The following EFCAB13 variants were observed in gnomAD, a reference collection of about 807,000 sequenced individuals.
The protein encoded by EFCAB13 is EF-hand calcium binding domain 13, also known as EF-hand calcium-binding domain-containing protein 13.
A neutral mutation model predicts 110.2 loss-of-function variants in EFCAB13; 91 were observed. The ratio of observed to expected loss-of-function variants is 0.83; its 90% CI spans 0.70 to 0.98. EFCAB13 has a LOEUF of 0.98. Among genes scored for constraint, EFCAB13 ranks in the 50% least tolerant of loss-of-function variants. The pLI is 0.00. For missense variants in EFCAB13, 968 were observed against 1,119.4 expected, an observed-to-expected ratio of 0.86 and a Z score of 1.93; for synonymous variants, 323 against 369.9, an observed-to-expected ratio of 0.87 and a Z score of 1.45.
At chr17:47,343,358 A>G (rs2065396520) in intron 6 of EFCAB13, among the ~76,000 whole-genome samples, 2 of 152,292 alleles carry the variant, frequency 1.3e-5, no homozygotes, top group South Asian at 4.1e-4. Flanking sequence ...ATGTAGAGTT[A>G]TGATTATGAC....
chr17:47,345,135 C>G, intron 8 of EFCAB13, 37 bp downstream of exon 8: 2 of 1,447,580 alleles, frequency 1.4e-6, no homozygotes, highest in Non-Finnish European at 1.9e-6. Flanking sequence ...AATACATTTC[C>G]TGGTTATGTG....
intron 14 of EFCAB13, among the ~76,000 whole-genome samples, chr17:47,386,652 C>G (rs919938268): frequency 5.9e-5 from 9 of 152,070 alleles, no homozygotes; most frequent in Non-Finnish European, 1.2e-4. Context: ...AGCTCTGTCT[C>G]GCTGGGATTC....
chr17:47,357,461 G>A (rs578198188), intron 9 of EFCAB13, among the ~76,000 whole-genome samples: 8 of 152,162 alleles, frequency 5.3e-5, no homozygotes, highest in Admixed American at 4.6e-4. Flanking sequence ...TATACTCCAG[G>A]CTGGAGTGCA....
chr17:47,383,701 TG>T (rs1162996033), intron 14 of EFCAB13, among the ~76,000 whole-genome samples: 1 of 152,172 alleles, frequency 6.6e-6, no homozygotes, highest in Admixed American at 6.6e-5. Context: ...TCCAATTATG[TG>T]GTCAATTTTA....
At chr17:47,367,426 G>A (rs1335384925) in intron 10 of EFCAB13, among the ~76,000 whole-genome samples, 1 of 152,212 alleles carries the variant, frequency 6.6e-6, no homozygotes, top group Non-Finnish European at 1.5e-5. Context: ...CCTTGGCCCT[G>A]GTCCTGGCTT....
At chr17:47,367,960 G>A (rs1050659391) in intron 10 of EFCAB13, among the ~76,000 whole-genome samples, 1 of 152,246 alleles carries the variant, frequency 6.6e-6, no homozygotes, top group East Asian at 1.9e-4. Flanking sequence ...CAAAGGGGAT[G>A]TATGATGTTG....
intron 20 of EFCAB13, among the ~76,000 whole-genome samples, chr17:47,408,998 C>G (rs1257474737): frequency 6.6e-6 from 1 of 152,094 alleles, no homozygotes; most frequent in East Asian, 1.9e-4. Context: ...AACAAAAATA[C>G]AAATTAAGGC....
intron 10 of EFCAB13, among the ~76,000 whole-genome samples, chr17:47,362,747 G>GCTGTCTGT (rs1018853219): frequency 6.6e-6 from 1 of 152,178 alleles, no homozygotes; most frequent in Non-Finnish European, 1.5e-5. Flanking sequence ...AATGGCGTAA[G>GCTGTCTGT]CTGTCTGTCT....
chr17:47,402,021 G>C, intron 17 of EFCAB13, 111 bp from the exon 18 acceptor site: 1 of 783,390 alleles, frequency 1.3e-6, no homozygotes, highest in Non-Finnish European at 2.2e-6. Flanking sequence ...ATATGAAAAG[G>C]AAATATGATT....
intron 23 of EFCAB13, among the ~76,000 whole-genome samples, chr17:47,421,673 G>T (rs1436799555): frequency 1.4e-5 from 2 of 147,336 alleles, no homozygotes; most frequent in Non-Finnish European, 3.0e-5. Flanking sequence ...CCAATATCAG[G>T]AATGAAAAAA....
At chr17:47,413,179 A>G (rs987318409) in intron 22 of EFCAB13, among the ~76,000 whole-genome samples, 1 of 152,202 alleles carries the variant, frequency 6.6e-6, no homozygotes, top group Non-Finnish European at 1.5e-5. Context: ...CATAAATTGT[A>G]TAATAAAAAC....
In EFCAB13 at chr17:47,365,157, C is replaced by G. The variant is rs186657749; in HGVS notation, c.805+3636C>G. On this transcript the variant is annotated intron_variant, in intron 10 of 24. Coordinates refer to ENST00000331493, the MANE Select transcript of EFCAB13 (RefSeq NM_152347.5). The stretch of plus-strand genomic sequence containing the variant: ...TGATATTTCAAATAAGACTGAGCAT[C>G]AGGTGAGCAGATATCATGTCTGCTT... Among the ~76,000 whole-genome samples, 5 of 152,306 alleles carry G rather than the reference C, an allele frequency of 3.3e-5. No homozygotes were observed. The East Asian group carries it at 9.6e-4, about 29-fold the overall frequency.
intron 5 of EFCAB13, among the ~76,000 whole-genome samples, chr17:47,337,308 G>A (rs1482006417): frequency 1.3e-5 from 2 of 152,170 alleles, no homozygotes; most frequent in Non-Finnish European, 2.9e-5. Flanking sequence ...GTAAGTGGGA[G>A]CTAAACAATT....
At chr17:47,384,159 T>G (rs1233492439) in intron 14 of EFCAB13, among the ~76,000 whole-genome samples, 1,520 of 140,576 alleles carry the variant, frequency 0.011, 15 homozygotes, top group East Asian at 0.047. Flanking sequence ...TTTTTTTTTG[T>G]TTTTTTTTTT....
At chr17:47,428,293 C>T (rs1351266879) in intron 23 of EFCAB13, among the ~76,000 whole-genome samples, 1 of 151,932 alleles carries the variant, frequency 6.6e-6, no homozygotes, top group African/African-American at 2.4e-5. Context: ...CTATGGCTCA[C>T]ATGTTTACTG....
chr17:47,429,696 T>A, intron 23 of EFCAB13, 122 bp from the exon 24 acceptor site: 1 of 1,264,980 alleles, frequency 7.9e-7, no homozygotes, highest in East Asian at 2.5e-5. Context: ...TACAAATAGT[T>A]CCATGTACAA....
At chr17:47,404,468 GAA>G in intron 19 of EFCAB13, 92 bp from the exon 20 acceptor site, 1 of 916,386 alleles carries the variant, frequency 1.1e-6, no homozygotes, top group African/African-American at 1.7e-5. Context: ...AAATGTTCGA[GAA>G]ATATATAAGT....
In EFCAB13 at chr17:47,409,656, A is replaced by G; in HGVS notation, c.2243A>G (p.Lys748Arg). 1.2e-6 allele frequency: 2 copies of G among 1,611,284 alleles called. No individual in the cohort carries two copies. The highest frequency in any genetic ancestry group is 1.7e-6 in the Non-Finnish European group (2 of 1,177,644). Reference sequence around the variant, plus strand: ...CTCTCTAAATTTGCAGATTTCAGGAAAGAGGCTTCAAATCTAAAATTACCA... The same window carrying G: ...CTCTCTAAATTTGCAGATTTCAGGAGAGAGGCTTCAAATCTAAAATTACCA... Reference protein sequence around the residue: ...QKFSNYIDFRKEASNLKLPKV... With the variant: ...QKFSNYIDFRREASNLKLPKV... The change falls in exon 21 of 25, where the codon AAA becomes AGA. Residue 748 changes from lysine (K) to arginine (R), a missense_variant. Coordinates refer to ENST00000331493, the MANE Select transcript of EFCAB13 (RefSeq NM_152347.5).
intron 17 of EFCAB13, among the ~76,000 whole-genome samples, chr17:47,398,128 C>T (rs1255472136): frequency 7.1e-6 from 1 of 139,912 alleles, no homozygotes; most frequent in African/African-American, 2.6e-5. Context: ...GTCAGCCCCC[C>T]CCTGGCCAGC....
Sources: allele counts gnomAD v4.1 joint callset (sites outside exome capture counted in the v4.1 genomes callset), GRCh38; gene constraint gnomAD v4.1.1; transcripts MANE v1.5; gene names NCBI Gene and HGNC (gene_info 2026-07-23, HGNC 2026-07-21).